The following XNDC1N variants were observed in gnomAD, a reference collection of about 807,000 sequenced individuals.
XNDC1N encodes the protein XRCC1 N-terminal domain containing 1, N-terminal like.
the XNDC1N span, among the ~76,000 whole-genome samples, chr11:71,899,340 C>T: frequency 2.0e-5 from 3 of 152,034 alleles, no homozygotes; most frequent in Non-Finnish European, 4.4e-5. Flanking sequence ...TGGTCATGGC[C>T]CAGCAGAGGG....
the XNDC1N span, among the ~76,000 whole-genome samples, chr11:71,907,143 G>A: frequency 6.6e-6 from 1 of 152,168 alleles, no homozygotes; most frequent in East Asian, 1.9e-4. Flanking sequence ...TGTGACATCA[G>A]GATTCACGTT....
At chr11:71,886,693 G>T in the XNDC1N span, among the ~76,000 whole-genome samples, 5 of 152,128 alleles carry the variant, frequency 3.3e-5, no homozygotes, top group Admixed American at 2.6e-4. Context: ...GACATGAGAA[G>T]AAAACTGCAG....
chr11:71,914,082 G>A, the XNDC1N span, among the ~76,000 whole-genome samples: 1 of 152,196 alleles, frequency 6.6e-6, no homozygotes, highest in African/African-American at 2.4e-5. Context: ...TCATGCCTAC[G>A]AACGTAACAT....
At chr11:71,870,291 G>T in the XNDC1N span, among the ~76,000 whole-genome samples, 1 of 152,104 alleles carries the variant, frequency 6.6e-6, no homozygotes, top group African/African-American at 2.4e-5. Context: ...TTTGATTGTG[G>T]AATAAGGTGG....
chr11:71,883,803 G>C, the XNDC1N span, among the ~76,000 whole-genome samples: 1 of 152,172 alleles, frequency 6.6e-6, no homozygotes, highest in African/African-American at 2.4e-5. Context: ...AACTTCCTCA[G>C]TAAAGGAGAC....
the XNDC1N span, among the ~76,000 whole-genome samples, chr11:71,881,015 T>C: frequency 6.6e-6 from 1 of 152,194 alleles, no homozygotes; most frequent in Non-Finnish European, 1.5e-5. Flanking sequence ...TGTGTAAATG[T>C]CTGTTAAGTC....
chr11:71,874,513 C>G, the XNDC1N span, among the ~76,000 whole-genome samples: 60 of 152,200 alleles, frequency 3.9e-4, no homozygotes, highest in East Asian at 0.011. Context: ...TGAGTATTAA[C>G]AGAGAAAGTG....
chr11:71,875,166 T>C, the XNDC1N span, among the ~76,000 whole-genome samples: 2 of 152,148 alleles, frequency 1.3e-5, no homozygotes, highest in Admixed American at 6.5e-5. Context: ...ATATGGAATA[T>C]TATGCAGAAA....
At chr11:71,917,692 G>T in the XNDC1N span, 5 of 703,270 alleles carry the variant, frequency 7.1e-6, no homozygotes, top group South Asian at 7.4e-5. Context: ...TAGCGTGGTT[G>T]CAGGGAGCAG....
the XNDC1N span, among the ~76,000 whole-genome samples, chr11:71,904,738 G>A: frequency 6.6e-6 from 1 of 152,006 alleles, no homozygotes; most frequent in Non-Finnish European, 1.5e-5. Context: ...CATCTCCTGC[G>A]CCATCAGGAG....
At chr11:71,870,981 C>G in the XNDC1N span, among the ~76,000 whole-genome samples, 1 of 152,050 alleles carries the variant, frequency 6.6e-6, no homozygotes. Flanking sequence ...AGTTTCTGAA[C>G]AAAAATAAAA....
the XNDC1N span, among the ~76,000 whole-genome samples, chr11:71,917,964 T>C: frequency 3.3e-5 from 5 of 152,332 alleles, no homozygotes; most frequent in Admixed American, 1.3e-4. Flanking sequence ...AATACCAATG[T>C]CACACGTTCA....
the XNDC1N span, among the ~76,000 whole-genome samples, chr11:71,912,589 A>C: frequency 6.6e-6 from 1 of 152,164 alleles, no homozygotes; most frequent in Non-Finnish European, 1.5e-5. Context: ...ATTGGGCACA[A>C]AAACACAAAA....
At chr11:71,897,096 C>A in the XNDC1N span, among the ~76,000 whole-genome samples, 1 of 152,124 alleles carries the variant, frequency 6.6e-6, no homozygotes, top group Non-Finnish European at 1.5e-5. Context: ...GATCAGAGAC[C>A]TCACCCCAAG....
chr11:71,917,785 A>G, the XNDC1N span: 5 of 703,070 alleles, frequency 7.1e-6, no homozygotes, highest in Non-Finnish European at 1.3e-5. Context: ...ACCTGGGGAC[A>G]AAAGGTTGAG....
the XNDC1N span, chr11:71,916,012 C>T: frequency 1.5e-6 from 1 of 677,656 alleles, no homozygotes; most frequent in Non-Finnish European, 2.7e-6. Context: ...GCATCAGTTT[C>T]TTAAACAGAA....
At chr11:71,917,909 C>T in the XNDC1N span, 1 of 605,692 alleles carries the variant, frequency 1.7e-6, no homozygotes, top group Non-Finnish European at 2.9e-6. Context: ...TGTGGAGTCC[C>T]ACAGGGAGCC....
chr11:71,914,431 A>T, the XNDC1N span: 3 of 454,818 alleles, frequency 6.6e-6, no homozygotes, highest in Non-Finnish European at 1.3e-5. Context: ...TCATGCCTGT[A>T]ATCCCAGAAC....
chr11:71,890,960 G>A, the XNDC1N span, among the ~76,000 whole-genome samples: 2 of 151,812 alleles, frequency 1.3e-5, no homozygotes. Context: ...CTTGCATATT[G>A]GGAACAACAT....
Sources: allele counts gnomAD v4.1 joint callset (sites outside exome capture counted in the v4.1 genomes callset), GRCh38; gene constraint gnomAD v4.1.1; transcripts MANE v1.5; gene names NCBI Gene and HGNC (gene_info 2026-07-23, HGNC 2026-07-21).